PTPRG: variants seen among roughly 807,000 people sequenced by gnomAD.
PTPRG encodes the protein receptor-type tyrosine-protein phosphatase gamma.
In PTPRG, 102 loss-of-function variants were observed where a neutral mutation model predicts 165.3. The observed-to-expected ratio is 0.62, with a 90% confidence interval of 0.53 to 0.73. PTPRG has a LOEUF of 0.73. Among genes scored for constraint, PTPRG ranks in the 30% least tolerant of loss-of-function variants. The pLI is 0.00. For missense variants in PTPRG, 1,866 were observed against 1,861.4 expected, an observed-to-expected ratio of 1.00 and a Z score of -0.05; for synonymous variants, 675 against 669.5, an observed-to-expected ratio of 1.01 and a Z score of -0.13.
At chr3:62,063,353 T>C (rs1700883676) in intron 4 of PTPRG, among the ~76,000 whole-genome samples, 2 of 152,210 alleles carry the variant, frequency 1.3e-5, no homozygotes, top group Admixed American at 1.3e-4. Context: ...TTTATCCAGT[T>C]CAGAAAATGC....
At chr3:62,216,700 TCTGCTTTGGCTTAAAACCCTGC>T (rs1433836607) in intron 12 of PTPRG, among the ~76,000 whole-genome samples, 1 of 152,212 alleles carries the variant, frequency 6.6e-6, no homozygotes, top group Non-Finnish European at 1.5e-5. Flanking sequence ...CTGATCTTTG[TCTGCTTTGGCTTAAAACCCTGC>T]AGTAGTTTCT....
intron 2 of PTPRG, among the ~76,000 whole-genome samples, chr3:61,867,279 C>T (rs2037438904): frequency 6.6e-6 from 1 of 152,120 alleles, no homozygotes; most frequent in South Asian, 2.1e-4. Flanking sequence ...TACCAGCAGC[C>T]CCCATTGAGC....
intron 2 of PTPRG, among the ~76,000 whole-genome samples, chr3:61,883,441 TCTC>T: frequency 6.6e-6 from 1 of 152,200 alleles, no homozygotes; most frequent in Admixed American, 6.5e-5. Flanking sequence ...AGGAATAACT[TCTC>T]CTGCTAGGAT....
chr3:62,049,703 T>G (rs1428346210), intron 4 of PTPRG, among the ~76,000 whole-genome samples: 1 of 152,156 alleles, frequency 6.6e-6, no homozygotes, highest in Non-Finnish European at 1.5e-5. Flanking sequence ...ATGTATAATA[T>G]CTTACGAGTT....
chr3:61,746,208 A>AT (rs750697053), intron 1 of PTPRG, among the ~76,000 whole-genome samples: 2,133 of 81,206 alleles, frequency 0.026, 173 homozygotes, highest in South Asian at 0.068. Context: ...ACACACTCTA[A>AT]TTTTTTTTTT....
chr3:61,636,141 C>T (rs1264568587), intron 1 of PTPRG, among the ~76,000 whole-genome samples: 1 of 152,204 alleles, frequency 6.6e-6, no homozygotes, highest in East Asian at 1.9e-4. Context: ...TGAAAACACA[C>T]AGACAACTAA....
At chr3:61,993,385 T>G (rs2040944270) in intron 3 of PTPRG, among the ~76,000 whole-genome samples, 1 of 151,918 alleles carries the variant, frequency 6.6e-6, no homozygotes, top group Non-Finnish European at 1.5e-5. Context: ...ACCCGGCTAA[T>G]TTTTTATATT....
At chr3:62,221,172 G>T (rs1165152935) in intron 13 of PTPRG, among the ~76,000 whole-genome samples, 2 of 152,110 alleles carry the variant, frequency 1.3e-5, no homozygotes, top group African/African-American at 4.8e-5. Flanking sequence ...AGTCCAAATG[G>T]AAAATATGAA....
chr3:61,868,130 G>A (rs1167569734), intron 2 of PTPRG, among the ~76,000 whole-genome samples: 2 of 152,162 alleles, frequency 1.3e-5, no homozygotes, highest in African/African-American at 4.8e-5. Context: ...AAGGGAGAGG[G>A]CATGTCTTGA....
intron 5 of PTPRG, among the ~76,000 whole-genome samples, chr3:62,095,990 T>A (rs1184658318): frequency 2.3e-4 from 35 of 152,126 alleles, no homozygotes; most frequent in Admixed American, 2.3e-3. Context: ...CCCTAGACTT[T>A]TCTTGGGGAG....
chr3:62,149,202 G>A (rs115922159), intron 6 of PTPRG, among the ~76,000 whole-genome samples: 5 of 151,688 alleles, frequency 3.3e-5, no homozygotes, highest in Non-Finnish European at 7.4e-5. Flanking sequence ...CTGCTATAGA[G>A]AGCAAGTATT....
chr3:61,951,733 G>A (rs1309261205), intron 2 of PTPRG, among the ~76,000 whole-genome samples: 1 of 152,184 alleles, frequency 6.6e-6, no homozygotes, highest in Non-Finnish European at 1.5e-5. Flanking sequence ...AAAGTACAGA[G>A]AGGCTGTGCT....
chr3:62,187,446 G>A (rs779933514), intron 8 of PTPRG, among the ~76,000 whole-genome samples: 1 of 152,156 alleles, frequency 6.6e-6, no homozygotes, highest in Non-Finnish European at 1.5e-5. Flanking sequence ...TAAACAGTTG[G>A]AGAAAAATCA....
In PTPRG at chr3:61,701,706, T is replaced by TG. The variant is rs535447807; in HGVS notation, c.86-47170dup. Among the ~76,000 whole-genome samples, 544 of 152,250 alleles carry TG rather than the reference T, an allele frequency of 3.6e-3. 6 individuals are homozygous for TG. Among genetic ancestry groups the TG allele is most frequent in the African/African-American group, 0.013 (520 of 41,560 alleles). ...TGAGCCCAAGAGTTCAGGACCAGCCTGGCAACATGGCGAAACCTCACCTCT... is the reference window on the plus strand; with the variant it reads ...TGAGCCCAAGAGTTCAGGACCAGCCTGGGCAACATGGCGAAACCTCACCTCT... On this transcript the variant is annotated intron_variant, in intron 1 of 29. Transcript: ENST00000474889.
intron 6 of PTPRG, among the ~76,000 whole-genome samples, chr3:62,140,172 C>G (rs1388076020): frequency 2.0e-5 from 3 of 152,204 alleles, no homozygotes; most frequent in African/African-American, 7.2e-5. Context: ...GCACTGTTCC[C>G]CTGCCGGGGA....
chr3:62,068,531 A>C (rs1032366961), intron 4 of PTPRG, among the ~76,000 whole-genome samples: 2 of 152,194 alleles, frequency 1.3e-5, no homozygotes, highest in Non-Finnish European at 2.9e-5. Context: ...GTTGGAGTGC[A>C]GTGATGCAAT....
intron 1 of PTPRG, among the ~76,000 whole-genome samples, chr3:61,686,186 T>C (rs1036349060): frequency 6.6e-6 from 1 of 152,182 alleles, no homozygotes; most frequent in Non-Finnish European, 1.5e-5. Flanking sequence ...ATATTAAGGT[T>C]CTCTAGGACC....
intron 1 of PTPRG, among the ~76,000 whole-genome samples, chr3:61,698,209 A>G (rs1286379959): frequency 6.6e-6 from 1 of 152,164 alleles, no homozygotes; most frequent in Non-Finnish European, 1.5e-5. Flanking sequence ...TTGGGAAGGA[A>G]AGAGATTTCT....
chr3:61,862,032 C>G (rs918155019), intron 2 of PTPRG, among the ~76,000 whole-genome samples: 1 of 152,092 alleles, frequency 6.6e-6, no homozygotes, highest in African/African-American at 2.4e-5. Flanking sequence ...GGATTGGTAC[C>G]GGTCCCTGGC....
Sources: gnomAD v4.1 joint callset for allele counts (sites outside exome capture counted in the v4.1 genomes callset) on GRCh38, gnomAD v4.1.1 for gene constraint, MANE v1.5 for transcripts, NCBI Gene and HGNC (gene_info 2026-07-23, HGNC 2026-07-21) for gene names.